The following MON1A variants were observed in gnomAD, a reference collection of about 807,000 sequenced individuals.
MON1A encodes the protein vacuolar fusion protein MON1 homolog A.
MON1A carries 29 observed loss-of-function variants against 44.6 expected under a neutral mutation model. The ratio of observed to expected loss-of-function variants is 0.65; its 90% confidence interval spans 0.48 to 0.89. The LOEUF is 0.89. MON1A is among the 40% of genes least tolerant of loss of function. The pLI is 0.00. For missense variants in MON1A, 615 were observed against 759.6 expected (o/e 0.81, Z 2.24); for synonymous variants, 275 against 316.4 (o/e 0.87, Z 1.39).
In MON1A at chr3:49,910,444, T is replaced by C. The variant is rs760763443; in HGVS notation, c.1054A>G (p.Ile352Val). ...TCGCGAAAGGACGAGGAGGAACTAA[T>C]GAGGTTGAAGAGCAGGTGCAGGTCG... Reference protein sequence around the residue: ...PIDLHLLFNLISSSSSFREGE... With the variant: ...PIDLHLLFNLVSSSSSFREGE... The change falls in exon 4 of 6, where the codon ATT becomes GTT. Residue 352 changes from isoleucine to valine, a missense_variant. Coordinates refer to ENST00000296473, the MANE Select transcript of MON1A (RefSeq NM_032355.4). The surrounding 1 kb of genome is among the most constrained non-coding windows in gnomAD (Gnocchi z 8.0). 2 of 1,614,146 alleles carry C rather than the reference T, an allele frequency of 1.2e-6. No homozygotes were observed. The highest frequency in any genetic ancestry group is 1.1e-5 in the South Asian group (1 of 91,090).
rs1280859071 is a variant in MON1A at position 49,913,907 on chromosome 3, GC to G, written c.-13-549del. ...TTGAACTCCTGACCTCAAGTGATCT[GC>G]CCCTCTCGGCAGATTGTTGTTGTTG... is the stretch of plus-strand genomic sequence containing the variant. On this transcript the variant is annotated intron_variant, in intron 1 of 5. Coordinates refer to ENST00000296473, the MANE Select transcript of MON1A (RefSeq NM_032355.4). Among the ~76,000 whole-genome samples, 3 of 151,300 alleles carry G rather than the reference GC, an allele frequency of 2.0e-5. No individual in the cohort carries two copies. The South Asian group carries it at 6.3e-4, about 32-fold the overall frequency.
At position 49,910,878 on chromosome 3, in the gene MON1A, T is replaced by C. The variant is rs1575469986; in HGVS notation, c.620A>G (p.Tyr207Cys). The C allele has an allele frequency of 2.5e-6, 4 of 1,597,778 alleles. No homozygotes were observed. Among genetic ancestry groups the C allele is most frequent in the Non-Finnish European group, 3.4e-6 (4 of 1,168,266 alleles). The change falls in exon 4 of 6, where the codon TAC becomes TGC. Residue 207 changes from tyrosine to cysteine, a missense_variant. Physicochemically the swap from Tyr to Cys is radical, Grantham distance 194 (BLOSUM62 -2). Transcript: ENST00000296473. This position sits in a 1 kb window ranked among gnomAD's most constrained non-coding sequence, Gnocchi z 8.0. ...GCTCCGGCGCACGAATACTACCTTG[T>C]AGCCATCTGAGAGCGGGACAGGAAA... The part of the protein sequence containing the change: ...NAIRSIHADG[Y>C]KVVFVRRSPL...
chr3:49,927,196 C>T (rs1195661403), intron 1 of MON1A, among the ~76,000 whole-genome samples: 1 of 152,174 alleles, frequency 6.6e-6, no homozygotes, highest in African/African-American at 2.4e-5. Context: ...GAAACCCCTG[C>T]CTGTGGGGAA....
chr3:49,927,785 C>T (rs1264944215), intron 1 of MON1A, among the ~76,000 whole-genome samples: 1 of 151,984 alleles, frequency 6.6e-6, no homozygotes, highest in Non-Finnish European at 1.5e-5. Context: ...CCTATAATCC[C>T]AGCTACTCAG....
chr3:49,929,305 C>G (rs1481302421), intron 1 of MON1A: 1 of 478,772 alleles, frequency 2.1e-6, no homozygotes, highest in Non-Finnish European at 3.7e-6. Context: ...TGAGAAGACT[C>G]TACCGGCCGA....
rs1348293646 is a variant in MON1A, at chr3:49,929,795, C to T, written c.-200G>A. On this transcript the variant is annotated 5_prime_UTR_variant, in exon 1 of 6. Coordinates refer to ENST00000296473, the MANE Select transcript of MON1A (RefSeq NM_032355.4). ...CTCCCTCCCACCGCCCTCACCCGGC[C>T]GCCGGTGCAGGAAGATAGCTTTCGC... The T allele has an allele frequency of 8.4e-6, 13 of 1,547,852 alleles. No homozygotes were observed. Among genetic ancestry groups the T allele is most frequent in the Middle Eastern group, 1.7e-4 (1 of 5,728 alleles).
chr3:49,921,209 G>A (rs961070019), intron 1 of MON1A, among the ~76,000 whole-genome samples: 1 of 151,482 alleles, frequency 6.6e-6, no homozygotes, highest in African/African-American at 2.4e-5. Context: ...CTGGACTGGA[G>A]TGCAGTGGCG....
chr3:49,912,157 T>C, intron 2 of MON1A, 146 bp from the exon 3 acceptor site: 1 of 1,032,184 alleles, frequency 9.7e-7, no homozygotes, highest in Non-Finnish European at 1.4e-6. Context: ...CTGCCATGGA[T>C]GATGCTTCTC....
chr3:49,917,863 A>G (rs150628303), intron 1 of MON1A, among the ~76,000 whole-genome samples: 5,270 of 151,924 alleles, frequency 0.035, 127 homozygotes, highest in Non-Finnish European at 0.059. Flanking sequence ...CCTGACCAAC[A>G]TGAAGAAACC....
chr3:49,917,804 T>C (rs1165795062), intron 1 of MON1A, among the ~76,000 whole-genome samples: 1 of 151,152 alleles, frequency 6.6e-6, no homozygotes, highest in Non-Finnish European at 1.5e-5. Flanking sequence ...CCCAGCACTT[T>C]GGGAAGCCGA....
chr3:49,911,725 G>A lies in MON1A; in HGVS notation c.414C>T (p.Gly138=). ...GRPATEPPRE[G]TTEGDEEDAT... ...CATCCTCCTCATCCCCCTCGGTTGT[G>A]CCCTCCCTGGGGGGCTCTGTGGCTG... The change falls in exon 3 of 6, where the codon GGC becomes GGT. Residue 138 remains glycine, a synonymous_variant. Coordinates refer to ENST00000296473, the MANE Select transcript of MON1A (RefSeq NM_032355.4). The surrounding 1 kb of genome is among the most constrained non-coding windows in gnomAD (Gnocchi z 5.7). 6.2e-7 allele frequency: 1 copy of A among 1,613,856 alleles called. No individual in the cohort carries two copies. The highest frequency in any genetic ancestry group is 8.5e-7 in the Non-Finnish European group (1 of 1,179,926).
At chr3:49,922,423 C>T (rs1466897340) in intron 1 of MON1A, among the ~76,000 whole-genome samples, 5 of 150,788 alleles carry the variant, frequency 3.3e-5, no homozygotes, top group African/African-American at 2.4e-5. Context: ...ACCCAGGAGG[C>T]GGAGGTTGAG....
At chr3:49,912,847 G>A in intron 2 of MON1A, 2 of 356,376 alleles carry the variant, frequency 5.6e-6, no homozygotes, top group South Asian at 4.6e-5. Context: ...TTGTGGAAGA[G>A]AGAGATGGGC....
chr3:49,925,676 C>G (rs1051500511), intron 1 of MON1A, among the ~76,000 whole-genome samples: 8 of 152,084 alleles, frequency 5.3e-5, no homozygotes, highest in African/African-American at 1.9e-4. Flanking sequence ...GAGGTCAAGG[C>G]TGCAGTGAGC....
rs144073817 is a variant in MON1A, at chr3:49,911,726, C to T, written c.413G>A (p.Gly138Asp). 1 of 1,613,768 alleles carries T rather than the reference C, an allele frequency of 6.2e-7. No individual in the cohort carries two copies. Among genetic ancestry groups the T allele is most frequent in the South Asian group, 1.1e-5 (1 of 91,068 alleles). Reference protein sequence around the residue: ...GRPATEPPREGTTEGDEEDAT... With the variant: ...GRPATEPPREDTTEGDEEDAT... The stretch of plus-strand genomic sequence containing the variant: ...ATCCTCCTCATCCCCCTCGGTTGTG[C>T]CCTCCCTGGGGGGCTCTGTGGCTGG... Residue 138 changes from glycine to aspartate, a missense_variant, in exon 3 of 6, where the codon GGC becomes GAC. Transcript: ENST00000296473. This position sits in a 1 kb window ranked among gnomAD's most constrained non-coding sequence, Gnocchi z 5.7.
chr3:49,910,943 G>C lies in MON1A; in HGVS notation c.614-59C>G. The C allele has an allele frequency of 6.7e-7, 1 of 1,490,154 alleles. No homozygotes were observed. Among genetic ancestry groups the C allele is most frequent in the East Asian group, 2.3e-5 (1 of 43,820 alleles). 92.3% of individuals were successfully genotyped at this position (1,490,154 alleles called of 1,614,324 possible). A position where few individuals can be genotyped will look rare whatever the true frequency, so the allele number is the denominator to read the frequency against. On this transcript the variant is annotated intron_variant, in intron 3 of 5. Transcript: ENST00000296473. The surrounding 1 kb of genome is among the most constrained non-coding windows in gnomAD (Gnocchi z 8.0). ...TCAGCGGCAGCTCCCTCCGAAAACC[G>C]CCTTCCAGCGCAGCTCTTCGCTTTC...
Position 49,911,951 on chromosome 3 carries a change from G to A in MON1A, c.188C>T (p.Ser63Leu). Residue 63 changes from serine (S) to leucine (L), a missense_variant, in exon 3 of 6, where the codon TCA becomes TTA. Physicochemically the swap from Ser to Leu is moderately radical, Grantham distance 145. Transcript: ENST00000296473. This position sits in a 1 kb window ranked among gnomAD's most constrained non-coding sequence, Gnocchi z 5.7. ...GTCCCCAGAAGCTGCCCCATCCTCT[G>A]ACTCAGTCAGGTCCTCGTAGGAACG... ...HARSYEDLTE[S>L]EDGAASGDSH... is the part of the protein sequence containing the mutation. The A allele has an allele frequency of 6.2e-7, 1 of 1,613,046 alleles. No individual in the cohort carries two copies. The highest frequency in any genetic ancestry group is 2.2e-5 in the East Asian group (1 of 44,900).
Position 49,910,504 on chromosome 3 carries a change from G to A in MON1A, c.994C>T (p.Leu332Phe), listed in dbSNP as rs571083148. The change falls in exon 4 of 6, where the codon CTC becomes TTC. Residue 332 changes from leucine to phenylalanine, a missense_variant. Transcript: ENST00000296473. The surrounding 1 kb of genome is among the most constrained non-coding windows in gnomAD (Gnocchi z 8.0). ...AGAAATTGGTCCTTTCGGCGCACGAGTGCCACGAGCTGGTTGCGGGCCAGC... is the reference window on the plus strand; with the variant it reads ...AGAAATTGGTCCTTTCGGCGCACGAATGCCACGAGCTGGTTGCGGGCCAGC... ...ILLARNQLVA[L>F]VRRKDQFLHP... 3 of 1,614,006 alleles carry A rather than the reference G, an allele frequency of 1.9e-6. No individual in the cohort carries two copies. Among genetic ancestry groups the A allele is most frequent in the African/African-American group, 2.7e-5 (2 of 75,052 alleles).
Position 49,912,420 on chromosome 3 carries a change from C to G in MON1A, c.128-409G>C, listed in dbSNP as rs545131773. 4.8e-4 allele frequency: 85 copies of G among 176,404 alleles called. No homozygotes were observed. In the South Asian group the frequency reaches 5.4e-3, roughly 11 times the overall value. 10.9% of individuals were successfully genotyped at this position (176,404 alleles called of 1,614,324 possible). A position where few individuals can be genotyped will look rare whatever the true frequency, so the allele number is the denominator to read the frequency against. On this transcript the variant is annotated intron_variant, in intron 2 of 5. Coordinates refer to ENST00000296473, the MANE Select transcript of MON1A (RefSeq NM_032355.4). ...CCCAAGAGGCCGGCTAATTGTCACA[C>G]TTAAGCTCTCAGGGAAGATGTTAGT...
Sources: gnomAD v4.1 joint callset for allele counts (sites outside exome capture counted in the v4.1 genomes callset) on GRCh38, gnomAD v4.1.1 for gene constraint, Gnocchi (gnomAD v3.1) non-coding constraint, MANE v1.5 for transcripts, NCBI Gene and HGNC (gene_info 2026-07-23, HGNC 2026-07-21) for gene names.